Variants in ADPRHL1 observed in about 807,000 individuals in gnomAD.
ADPRHL1 encodes the protein inactive ADP-ribosyltransferase ARH2.
A neutral mutation model predicts 44.1 loss-of-function variants in ADPRHL1; 43 were observed. The ratio of observed to expected loss-of-function variants is 0.98; its 90% CI spans 0.76 to 1.26. ADPRHL1 has a LOEUF of 1.26. Among genes scored for constraint, ADPRHL1 ranks in the 50% most tolerant of loss-of-function variants. ADPRHL1 has a pLI of 0.00. For synonymous variants in ADPRHL1, 878 were observed against 1,017.4 expected, an observed-to-expected ratio of 0.86 and a Z score of 2.61; for missense variants, 2,022 against 2,496.9, an observed-to-expected ratio of 0.81 and a Z score of 4.05.
Position 113,403,456 on chromosome 13 carries a change from G to A in ADPRHL1, c.5826C>T (p.Phe1942=). The A allele has an allele frequency of 8.1e-7, 1 of 1,232,114 alleles. No homozygotes were observed. 76.3% of individuals were successfully genotyped at this position (1,232,114 alleles called of 1,614,324 possible). Residue 1942 remains phenylalanine, a synonymous_variant, in exon 8 of 8, where the codon TTC becomes TTT. Coordinates refer to ENST00000612156, the MANE Select transcript of ADPRHL1 (RefSeq NM_001394807.1). The part of the protein sequence containing the change: ...RHLAKYKAQS[F]RDQRAFDLSF... Reference sequence around the variant, plus strand: ...ACAAATCGAAGGCCCTCTGGTCACGGAAGCTCTGGGCTTTGTACTTGGCCA... The same window carrying A: ...ACAAATCGAAGGCCCTCTGGTCACGAAAGCTCTGGGCTTTGTACTTGGCCA...
At chr13:113,422,720 C>T in intron 7 of ADPRHL1, 106 bp downstream of exon 7, 1 of 1,441,152 alleles carries the variant, frequency 6.9e-7, no homozygotes, top group Non-Finnish European at 9.4e-7. Context: ...GCACAGACCG[C>T]AGTGGAGCCT....
chr13:113,415,367 G>C (rs184344794), intron 7 of ADPRHL1, among the ~76,000 whole-genome samples: 446 of 152,340 alleles, frequency 2.9e-3, no homozygotes, highest in African/African-American at 9.4e-3. Context: ...CTGCTCTACT[G>C]ATGACAGGAA....
At chr13:113,448,393 G>A (rs1175972544) in intron 1 of ADPRHL1, among the ~76,000 whole-genome samples, 1 of 149,216 alleles carries the variant, frequency 6.7e-6, no homozygotes, top group African/African-American at 2.5e-5. Flanking sequence ...TTGAACTCAG[G>A]AGGTGGAGGT....
intron 7 of ADPRHL1, among the ~76,000 whole-genome samples, chr13:113,414,588 C>T (rs367691966): frequency 6.6e-6 from 1 of 152,182 alleles, no homozygotes. Context: ...CTGCTCTTGT[C>T]GCTGTGGTGC....
intron 7 of ADPRHL1, chr13:113,422,393 T>G (rs1285176497): frequency 4.1e-5 from 7 of 172,360 alleles, no homozygotes; most frequent in African/African-American, 1.7e-4. Flanking sequence ...GCATTGGCCC[T>G]CACGGGGAAA....
rs1311766954 is a variant in ADPRHL1, at chr13:113,409,114, C to T, written c.1062-894G>A. Among the ~76,000 whole-genome samples, 1 of 152,184 alleles carries T rather than the reference C, an allele frequency of 6.6e-6. No homozygotes were observed. The highest frequency in any genetic ancestry group is 6.5e-5 in the Admixed American group (1 of 15,272). On this transcript the variant is annotated intron_variant, in intron 7 of 7. Transcript: ENST00000612156. The surrounding 1 kb of genome is among the most constrained non-coding windows in gnomAD (Gnocchi z 4.2). Reference sequence around the variant, plus strand: ...TTTTCTGCAGGTTCACCAGGGATTCCTTCCCACCAGCCCAGCTTTCAAAGA... The same window carrying T: ...TTTTCTGCAGGTTCACCAGGGATTCTTTCCCACCAGCCCAGCTTTCAAAGA...
rs2043866936 is a variant in ADPRHL1, at chr13:113,413,013, AACAGCGCCCCG to A, written c.1062-4804_1062-4794del. 1.8e-5 allele frequency among the ~76,000 whole-genome samples: 2 copies of A among 109,880 alleles called. 1 individual carries two copies. The highest frequency in any genetic ancestry group is 3.6e-5 in the Non-Finnish European group (2 of 55,666). 72.1% of individuals were successfully genotyped at this position (109,880 alleles called of 152,430 possible). A position where few individuals can be genotyped will look rare whatever the true frequency, so the allele number is the denominator to read the frequency against. On this transcript the variant is annotated intron_variant, in intron 7 of 7. Coordinates refer to ENST00000612156, the MANE Select transcript of ADPRHL1 (RefSeq NM_001394807.1). ...CGCAGAGCTCGGTTCACCCACCGCC[AACAGCGCCCCG>A]CAGAGCTCGGTTCACCCACCGCCAA... is the stretch of plus-strand genomic sequence containing the variant.
chr13:113,407,309 C>G lies in ADPRHL1; in HGVS notation c.1973G>C (p.Ser658Thr). ...PPRGEASVPP[S>T]ARETGPSGNK... ...CCCACTGGGCCCCGTCTCCCTGGCA[C>G]TAGGGGGCACGCTGGCTTCTCCTCT... is the stretch of plus-strand genomic sequence containing the variant. Residue 658 changes from serine to threonine, a missense_variant, in exon 8 of 8, where the codon AGT becomes ACT. Ser to Thr is a moderately conservative substitution (Grantham distance 58, BLOSUM62 1). This residue lies in a region of ADPRHL1 where 1,221 missense variants were observed against 1,517.8 expected (regional missense o/e 0.80). Transcript: ENST00000612156. 2.4e-6 allele frequency: 3 copies of G among 1,232,024 alleles called. No homozygotes were observed. Among genetic ancestry groups the G allele is most frequent in the Non-Finnish European group, 3.0e-6 (3 of 988,040 alleles). 76.3% of individuals were successfully genotyped at this position (1,232,024 alleles called of 1,614,324 possible). A position where few individuals can be genotyped will look rare whatever the true frequency, so the allele number is the denominator to read the frequency against.
In ADPRHL1 at chr13:113,407,879, C is replaced by G. The variant is rs976062674; in HGVS notation, c.1403G>C (p.Gly468Ala). The G allele has an allele frequency of 1.6e-6, 2 of 1,231,986 alleles. No homozygotes were observed. The highest frequency in any genetic ancestry group is 2.0e-6 in the Non-Finnish European group (2 of 988,010). 76.3% of individuals were successfully genotyped at this position (1,231,986 alleles called of 1,614,324 possible). A position where few individuals can be genotyped will look rare whatever the true frequency, so the allele number is the denominator to read the frequency against. Residue 468 changes from glycine (G) to alanine (A), a missense_variant, in exon 8 of 8, where the codon GGT becomes GCT. Around this residue, in one of 8 missense-constraint regions of ADPRHL1, gnomAD observed 1,221 missense variants for 1,517.8 expected, o/e 0.80. Transcript: ENST00000612156. The part of the protein sequence containing the change: ...DKQGPGGGLV[G>A]ATINKLLEKT... ...CTCCAGGAGCTTGTTGATGGTGGCA[C>G]CCACGAGGCCCCCACCCGGCCCCTG...
chr13:113,428,910 G>A (rs780193007), intron 4 of ADPRHL1, 42 bp downstream of exon 4: 6 of 1,609,668 alleles, frequency 3.7e-6, no homozygotes, highest in Non-Finnish European at 5.1e-6. Context: ...GATCTGTCCA[G>A]ATCTGCTCTG....
intron 7 of ADPRHL1, among the ~76,000 whole-genome samples, chr13:113,421,759 T>G (rs918177996): frequency 1.3e-5 from 2 of 152,074 alleles, no homozygotes; most frequent in South Asian, 2.1e-4. Context: ...AAGACGCCCG[T>G]GGGGGTAGGG....
rs749463598 is a variant in ADPRHL1 at position 113,453,389 on chromosome 13, G to A, written c.49C>T (p.Leu17Phe). Residue 17 changes from leucine to phenylalanine, a missense_variant, in exon 1 of 8, where the codon CTT becomes TTT. Transcript: ENST00000612156. The surrounding 1 kb of genome is among the most constrained non-coding windows in gnomAD (Gnocchi z 5.4). ...AMLLGSVGDA[L>F]GYRNVCKENS... ...TCCTTGCAGACATTTCTGTAGCCAAGAGCATCGCCGACGCTCCCCAGCAAC... is the reference window on the plus strand; with the variant it reads ...TCCTTGCAGACATTTCTGTAGCCAAAAGCATCGCCGACGCTCCCCAGCAAC... 5 of 1,614,040 alleles carry A rather than the reference G, an allele frequency of 3.1e-6. No individual in the cohort carries two copies. The highest frequency in any genetic ancestry group is 3.3e-5 in the Admixed American group (2 of 60,000).
Position 113,406,813 on chromosome 13 carries a change from C to T in ADPRHL1, c.2469G>A (p.Leu823=), listed in dbSNP as rs187162319. The T allele has an allele frequency of 4.2e-4, 520 of 1,232,042 alleles. 1 individual carries two copies. In the African/African-American group the frequency reaches 7.2e-3, roughly 17 times the overall value. The allele number at this position is 1,232,042 out of a possible 1,614,324, so 76.3% of individuals were successfully genotyped here. ...GAGCAGCCTGGACCGATGGAGCGTTCAGGGGTGGGATGTGCTCCGGCACCT... is the reference window on the plus strand; with the variant it reads ...GAGCAGCCTGGACCGATGGAGCGTTTAGGGGTGGGATGTGCTCCGGCACCT... ...EQKVPEHIPP[L]NAPSVQAARR... Residue 823 remains leucine (L), a synonymous_variant, in exon 8 of 8, where the codon CTG becomes CTA. Coordinates refer to ENST00000612156, the MANE Select transcript of ADPRHL1 (RefSeq NM_001394807.1).
At chr13:113,450,506 G>A (rs1202577699) in intron 1 of ADPRHL1, among the ~76,000 whole-genome samples, 5 of 152,234 alleles carry the variant, frequency 3.3e-5, no homozygotes, top group South Asian at 2.1e-4. Flanking sequence ...CACGGAGACC[G>A]GTAGTGGCCC....
intron 7 of ADPRHL1, among the ~76,000 whole-genome samples, chr13:113,419,595 G>A (rs1003806746): frequency 4.6e-5 from 7 of 152,106 alleles, no homozygotes; most frequent in Non-Finnish European, 8.8e-5. Context: ...CAGAAGAGCT[G>A]GGGAGCAACA....
intron 7 of ADPRHL1, chr13:113,422,016 G>A (rs2043927335): frequency 1.3e-5 from 2 of 152,250 alleles, no homozygotes; most frequent in South Asian, 4.1e-4. Flanking sequence ...TTTTAAACAA[G>A]AGCAAGTGGT....
chr13:113,423,129 C>T (rs1482267726), intron 6 of ADPRHL1, 150 bp from the exon 7 acceptor site: 23 of 1,081,620 alleles, frequency 2.1e-5, no homozygotes, highest in Middle Eastern at 2.9e-4. Flanking sequence ...CGGTGGCTCA[C>T]GCCTGTCATC....
chr13:113,430,305 G>A (rs540429582), intron 3 of ADPRHL1, among the ~76,000 whole-genome samples: 8 of 152,338 alleles, frequency 5.3e-5, no homozygotes, highest in Admixed American at 1.3e-4. Context: ...CGTGGTCACC[G>A]TCTGGGTGGA....
In ADPRHL1 at chr13:113,451,202, A is replaced by T. The variant is rs548600022; in HGVS notation, c.214+2022T>A. 2.0e-3 allele frequency among the ~76,000 whole-genome samples: 311 copies of T among 152,368 alleles called. 1 individual carries two copies. Among genetic ancestry groups the T allele is most frequent in the African/African-American group, 7.1e-3 (296 of 41,590 alleles). On this transcript the variant is annotated intron_variant, in intron 1 of 7. Transcript: ENST00000612156. ...CTGGTTTTTCCTAGGCTATGATTAT[A>T]GAGCGAGGATTATCATAATATTGGA...
Sources: gnomAD v4.1 joint callset for allele counts (sites outside exome capture counted in the v4.1 genomes callset) on GRCh38, gnomAD v4.1.1 for gene constraint, gnomAD v4.1.1 regional missense constraint, Gnocchi (gnomAD v3.1) non-coding constraint, MANE v1.5 for transcripts, NCBI Gene and HGNC (gene_info 2026-07-23, HGNC 2026-07-21) for gene names.